The following TBC1D7 variants were observed in gnomAD, a reference collection of about 807,000 sequenced individuals.
TBC1D7 encodes the protein TBC domain family 7.
Under a neutral mutation model 35.3 loss-of-function variants are expected in TBC1D7, and 33 were observed. The observed-to-expected ratio is 0.93, with a 90% CI of 0.71 to 1.25. TBC1D7 has a LOEUF of 1.25. Among genes scored for constraint, TBC1D7 ranks in the 50% most tolerant of loss-of-function variants. The pLI, the probability that TBC1D7 is intolerant of heterozygous loss-of-function variation, is 0.00. For missense variants in TBC1D7, 362 were observed against 365.3 expected (o/e 0.99, Z 0.07); for synonymous variants, 135 against 129.5 (o/e 1.04, Z -0.29).
chr6:13,324,090 T>C (rs1386349531), intron 3 of TBC1D7, among the ~76,000 whole-genome samples: 1 of 152,138 alleles, frequency 6.6e-6, no homozygotes, highest in Non-Finnish European at 1.5e-5. Flanking sequence ...CTCGCCACTA[T>C]CTTACAGTGA....
chr6:13,311,930 T>C (rs1286708411), intron 5 of TBC1D7, among the ~76,000 whole-genome samples: 1 of 144,894 alleles, frequency 6.9e-6, no homozygotes, highest in Non-Finnish European at 1.5e-5. Context: ...CAGAAAGAGA[T>C]ATAGATATAA....
At chr6:13,326,743 G>T in intron 2 of TBC1D7, 44 bp downstream of exon 2, 1 of 1,243,516 alleles carries the variant, frequency 8.0e-7, no homozygotes, top group Non-Finnish European at 1.2e-6. Context: ...CAGAACATGT[G>T]GAGTGATTGA....
intron 3 of TBC1D7, among the ~76,000 whole-genome samples, chr6:13,324,189 G>A (rs1330747521): frequency 6.6e-6 from 1 of 151,668 alleles, no homozygotes; most frequent in Non-Finnish European, 1.5e-5. Flanking sequence ...GTGCAGTGGT[G>A]CCATCTCGTC....
chr6:13,314,407 A>C (rs992403025), intron 5 of TBC1D7, among the ~76,000 whole-genome samples: 1 of 152,196 alleles, frequency 6.6e-6, no homozygotes, highest in African/African-American at 2.4e-5. Context: ...TGCATTCACC[A>C]TTTATGTTAC....
chr6:13,316,821 A>C, intron 4 of TBC1D7, 113 bp from the exon 5 acceptor site: 1 of 1,289,998 alleles, frequency 7.8e-7, no homozygotes. Context: ...TACATTAATA[A>C]ATCAAAGTAG....
At chr6:13,305,527 C>T (rs937183284) in intron 7 of TBC1D7, 6 of 344,020 alleles carry the variant, frequency 1.7e-5, no homozygotes, top group African/African-American at 1.1e-4. Flanking sequence ...ATGGAAAATA[C>T]TTAGCACAGG....
chr6:13,325,788 GC>G (rs1784365417), intron 2 of TBC1D7, among the ~76,000 whole-genome samples: 1 of 152,236 alleles, frequency 6.6e-6, no homozygotes, highest in Non-Finnish European at 1.5e-5. Context: ...CACACTGCAA[GC>G]CTGTTAGGTA....
At chr6:13,317,978 C>T (rs1783755987) in intron 4 of TBC1D7, 1 of 152,328 alleles carries the variant, frequency 6.6e-6, no homozygotes, top group Admixed American at 6.5e-5. Context: ...CATGAGGGCT[C>T]TGCCCTCATC....
rs572363810 is a variant in TBC1D7, at chr6:13,316,699, C to G, written c.391G>C (p.Asp131His). Reference sequence around the variant, plus strand: ...TTAGCTATGGCAAGAAACACTTCATCATCTGGCTCCTGAAAGATTAATAAT... The same window carrying G: ...TTAGCTATGGCAAGAAACACTTCATGATCTGGCTCCTGAAAGATTAATAAT... ...RSPSFPLEPD[D>H]EVFLAIAKAM... is the part of the protein sequence containing the mutation. The change falls in exon 5 of 8, where the codon GAT (aspartate) becomes CAT (histidine). Residue 131 changes from aspartate (D) to histidine (H), a missense_variant. Physicochemically the swap from Asp to His is moderately conservative, Grantham distance 81 (BLOSUM62 -1). Coordinates refer to ENST00000379300, the MANE Select transcript of TBC1D7 (RefSeq NM_016495.6). 1.2e-6 allele frequency: 2 copies of G among 1,613,888 alleles called. No individual in the cohort carries two copies. The highest frequency in any genetic ancestry group is 2.2e-5 in the East Asian group (1 of 44,892).
chr6:13,305,235 T>G, intron 7 of TBC1D7, 48 bp from the exon 8 acceptor site: 1 of 1,548,812 alleles, frequency 6.5e-7, no homozygotes, highest in Non-Finnish European at 8.9e-7. Flanking sequence ...GTTGACAACT[T>G]CAGTGTCTTC....
At chr6:13,323,698 T>C (rs1321750974) in intron 3 of TBC1D7, 1 of 152,318 alleles carries the variant, frequency 6.6e-6, no homozygotes, top group Non-Finnish European at 1.5e-5. Context: ...CAAGTCATTC[T>C]GCAGGCCTTC....
At chr6:13,328,050 C>A (rs1359319663) in intron 1 of TBC1D7, 4 of 152,128 alleles carry the variant, frequency 2.6e-5, no homozygotes, top group Non-Finnish European at 5.9e-5. Flanking sequence ...AAGTCAGCAG[C>A]ATAAAACGCG....
intron 2 of TBC1D7, among the ~76,000 whole-genome samples, chr6:13,325,987 C>T (rs575863509): frequency 3.3e-5 from 5 of 152,232 alleles, no homozygotes; most frequent in South Asian, 2.1e-4. Context: ...AAGCAAAGAC[C>T]GCACAATTGA....
intron 2 of TBC1D7, among the ~76,000 whole-genome samples, chr6:13,325,391 G>A (rs759103895): frequency 8.5e-5 from 13 of 152,208 alleles, no homozygotes; most frequent in Non-Finnish European, 1.3e-4. Context: ...GGCCAGGCAC[G>A]GTGGCTCATG....
intron 5 of TBC1D7, 25 bp from the exon 6 acceptor site, chr6:13,307,770 T>C (rs1240922604): frequency 6.2e-7 from 1 of 1,602,094 alleles, no homozygotes; most frequent in South Asian, 1.1e-5. Context: ...AGAACAGAGA[T>C]TATTCATTTT....
intron 3 of TBC1D7, 31 bp from the exon 4 acceptor site, chr6:13,321,126 C>T: frequency 6.3e-7 from 1 of 1,579,218 alleles, no homozygotes; most frequent in Non-Finnish European, 8.6e-7. Flanking sequence ...GAAAAAAGGA[C>T]AAAATACTGA....
intron 4 of TBC1D7, among the ~76,000 whole-genome samples, chr6:13,318,450 T>C (rs945831417): frequency 5.3e-5 from 8 of 152,206 alleles, no homozygotes; most frequent in African/African-American, 1.9e-4. Flanking sequence ...CTAATTTAAT[T>C]TGATATATAA....
rs530723180 is a variant in TBC1D7 at position 13,327,119 on chromosome 6, A to G, written c.-8-213T>C. Reference sequence around the variant, plus strand: ...GCATCTTGGCTAAAAACCAAGATATAAGTTAAAAGTTCTCTGAGCTGATAA... The same window carrying G: ...GCATCTTGGCTAAAAACCAAGATATGAGTTAAAAGTTCTCTGAGCTGATAA... On this transcript the variant is annotated intron_variant, in intron 1 of 7. Transcript: ENST00000379300. Among the ~76,000 whole-genome samples the G allele has an allele frequency of 1.6e-4, 24 of 152,332 alleles. No homozygotes were observed. The South Asian group carries it at 5.0e-3, about 32-fold the overall frequency.
Position 13,306,438 on chromosome 6 carries a change from G to A in TBC1D7, c.755C>T (p.Ala252Val), listed in dbSNP as rs1234253822. Reference protein sequence around the residue: ...ILLTFKIKVMALNSAEKITKF... With the variant: ...ILLTFKIKVMVLNSAEKITKF... ...TGTTATCTTCTCTGCACTGTTCAGTGCCATAACTTTTATTTTAAAGGTTAA... is the reference window on the plus strand; with the variant it reads ...TGTTATCTTCTCTGCACTGTTCAGTACCATAACTTTTATTTTAAAGGTTAA... Residue 252 changes from alanine (A) to valine (V), a missense_variant, in exon 7 of 8, where the codon GCA (alanine) becomes GTA (valine). Coordinates refer to ENST00000379300, the MANE Select transcript of TBC1D7 (RefSeq NM_016495.6). 1.2e-6 allele frequency: 2 copies of A among 1,608,520 alleles called. No homozygotes were observed. The highest frequency in any genetic ancestry group is 2.7e-5 in the African/African-American group (2 of 74,610).
Sources: allele counts gnomAD v4.1 joint callset (sites outside exome capture counted in the v4.1 genomes callset), GRCh38; gene constraint gnomAD v4.1.1; transcripts MANE v1.5; gene names NCBI Gene and HGNC (gene_info 2026-07-23, HGNC 2026-07-21).